The following ZNF540 variants were observed in gnomAD, a reference collection of about 807,000 sequenced individuals.
ZNF540 encodes zinc finger protein 540.
Under a neutral mutation model 11.8 loss-of-function variants are expected in ZNF540, and 3 were observed. The observed-to-expected ratio is 0.25, with a 90% CI of 0.12 to 0.65. ZNF540 has a LOEUF of 0.65. Ranked by LOEUF, ZNF540 falls within the 30% of genes least tolerant of loss-of-function variation. ZNF540 has a pLI of 0.83. For missense variants in ZNF540, 709 were observed against 793.1 expected (o/e 0.89, Z 1.27); for synonymous variants, 247 against 259.0 (o/e 0.95, Z 0.45).
In ZNF540 at chr19:37,613,161, A is replaced by G; in HGVS notation, c.1881A>G (p.Arg627=). The stretch of plus-strand genomic sequence containing the variant: ...ATTCACACCTTACTGAACATCAGAG[A>G]ATTCACACTGGTGAGAAACCCTATG... The part of the protein sequence containing the change: ...RLNSHLTEHQ[R]IHTGEKPYEC... The change falls in exon 5 of 5, where the codon AGA becomes AGG. Residue 627 remains arginine (R), a synonymous_variant. Coordinates refer to ENST00000316433, the MANE Select transcript of ZNF540 (RefSeq NM_001172225.3). 1 of 1,613,852 alleles carries G rather than the reference A, an allele frequency of 6.2e-7. No individual in the cohort carries two copies. Among genetic ancestry groups the G allele is most frequent in the Middle Eastern group, 1.6e-4 (1 of 6,062 alleles).
upstream of ZNF540, among the ~76,000 whole-genome samples, chr19:37,591,648 G>C (rs1457603757): frequency 6.6e-6 from 1 of 152,156 alleles, no homozygotes; most frequent in Non-Finnish European, 1.5e-5. Flanking sequence ...GGGTTCAAAT[G>C]ATTCTCCTGC....
At chr19:37,607,392 A>G (rs1340122722) in intron 4 of ZNF540, among the ~76,000 whole-genome samples, 1 of 152,230 alleles carries the variant, frequency 6.6e-6, no homozygotes, top group Non-Finnish European at 1.5e-5. Flanking sequence ...TTTGAAAAAT[A>G]TATAATGATA....
At chr19:37,570,262 T>C (rs527292139) in intron 1 of ZNF540, among the ~76,000 whole-genome samples, 4 of 152,192 alleles carry the variant, frequency 2.6e-5, no homozygotes, top group Admixed American at 6.5e-5. Context: ...AAACTATGCC[T>C]TTTGGAATTC....
intron 1 of ZNF540, among the ~76,000 whole-genome samples, chr19:37,579,772 T>C (rs1162556601): frequency 6.6e-6 from 1 of 152,138 alleles, no homozygotes; most frequent in Non-Finnish European, 1.5e-5. Context: ...TTACTCTCTC[T>C]CCCAGTACTA....
intron 1 of ZNF540, among the ~76,000 whole-genome samples, chr19:37,576,341 T>C (rs1009884556): frequency 4.6e-5 from 7 of 152,204 alleles, no homozygotes; most frequent in African/African-American, 1.7e-4. Flanking sequence ...GGTCCTGGCC[T>C]CTTTATTCAT....
At chr19:37,605,793 T>C (rs948303625) in intron 4 of ZNF540, among the ~76,000 whole-genome samples, 2 of 152,240 alleles carry the variant, frequency 1.3e-5, no homozygotes, top group African/African-American at 4.8e-5. Context: ...GTGTATCTCA[T>C]TGTGATTTTA....
At chr19:37,593,768 G>A (rs1395409118), upstream of ZNF540, among the ~76,000 whole-genome samples, 1 of 152,098 alleles carries the variant, frequency 6.6e-6, no homozygotes, top group African/African-American at 2.4e-5. Flanking sequence ...TGGGTGGAAA[G>A]GAGAGGTGTA....
At chr19:37,603,277 G>A (rs1479338258) in intron 4 of ZNF540, among the ~76,000 whole-genome samples, 2 of 152,144 alleles carry the variant, frequency 1.3e-5, no homozygotes, top group African/African-American at 4.8e-5. Flanking sequence ...AAAGTGCTGG[G>A]CGTGAGCCAC....
chr19:37,583,652 C>T (rs1410053046), intron 1 of ZNF540: 1 of 184,152 alleles, frequency 5.4e-6, no homozygotes, highest in East Asian at 1.5e-4. Flanking sequence ...CCTTTCCTTG[C>T]TCCAGTAAGG....
At chr19:37,572,606 G>C (rs968187946) in intron 1 of ZNF540, among the ~76,000 whole-genome samples, 1 of 152,166 alleles carries the variant, frequency 6.6e-6, no homozygotes, top group Non-Finnish European at 1.5e-5. Flanking sequence ...TGTATACGCC[G>C]CAGATAAGGG....
intron 4 of ZNF540, among the ~76,000 whole-genome samples, chr19:37,602,577 C>T (rs552961987): frequency 6.6e-6 from 1 of 152,230 alleles, no homozygotes; most frequent in East Asian, 1.9e-4. Context: ...TGATTCCCTC[C>T]CTTTAGCGAA....
chr19:37,600,581 A>G (rs962951197), intron 3 of ZNF540, among the ~76,000 whole-genome samples: 5 of 152,190 alleles, frequency 3.3e-5, no homozygotes, highest in African/African-American at 4.8e-5. Flanking sequence ...AAAGAAAAAA[A>G]GAAAATAAAA....
At position 37,612,290 on chromosome 19, in the gene ZNF540, G is replaced by T; in HGVS notation, c.1010G>T (p.Ser337Ile). 6.2e-7 allele frequency: 1 copy of T among 1,613,730 alleles called. No individual in the cohort carries two copies. Among genetic ancestry groups the T allele is most frequent in the Non-Finnish European group, 8.5e-7 (1 of 1,179,952 alleles). Residue 337 changes from serine to isoleucine, a missense_variant, in exon 5 of 5, where the codon AGT becomes ATT. Coordinates refer to ENST00000316433, the MANE Select transcript of ZNF540 (RefSeq NM_001172225.3). ...YECKECGKAFSVCGQLTRHQK... is the reference protein window; with the variant it reads ...YECKECGKAFIVCGQLTRHQK... The stretch of plus-strand genomic sequence containing the variant: ...TGTAAGGAGTGTGGGAAAGCTTTTA[G>T]TGTATGCGGACAACTTACCCGTCAT...
In ZNF540 at chr19:37,569,147, T is replaced by C. The variant is rs1013589908; in HGVS notation, c.-73+17482T>C. Among the ~76,000 whole-genome samples the C allele has an allele frequency of 5.3e-5, 8 of 152,184 alleles. No homozygotes were observed. The highest frequency in any genetic ancestry group is 1.9e-4 in the African/African-American group (8 of 41,496). On this transcript the variant is annotated intron_variant, in intron 1 of 4. Transcript: ENST00000592533. This position sits in a 1 kb window ranked among gnomAD's most constrained non-coding sequence, Gnocchi z 4.4. ...TTTGTATTTTTAGTAGAGATAGGCC[T>C]TCACCATATTGGTCAGGCTGGTCTC...
chr19:37,564,843 G>C, intron 1 of ZNF540: 1 of 1,613,962 alleles, frequency 6.2e-7, no homozygotes, highest in Non-Finnish European at 8.5e-7. Context: ...CATTCATAAG[G>C]TTTTTCACCT....
At chr19:37,590,016 T>C (rs1182312127), upstream of ZNF540, among the ~76,000 whole-genome samples, 1 of 151,924 alleles carries the variant, frequency 6.6e-6, no homozygotes, top group Non-Finnish European at 1.5e-5. Context: ...CCAGGAATTG[T>C]TTTCCATTAA....
At chr19:37,595,921 T>C (rs1437566030) in intron 1 of ZNF540, among the ~76,000 whole-genome samples, 1 of 152,184 alleles carries the variant, frequency 6.6e-6, no homozygotes, top group African/African-American at 2.4e-5. Context: ...CCTTCAAGAT[T>C]TGAAGGGGGT....
In ZNF540 at chr19:37,612,827, T is replaced by C; in HGVS notation, c.1547T>C (p.Ile516Thr). The C allele has an allele frequency of 6.2e-7, 1 of 1,614,092 alleles. No homozygotes were observed. Among genetic ancestry groups the C allele is most frequent in the Non-Finnish European group, 8.5e-7 (1 of 1,180,010 alleles). The change falls in exon 5 of 5, where the codon ATT (isoleucine) becomes ACT (threonine). Residue 516 changes from isoleucine (I) to threonine (T), a missense_variant. Physicochemically the swap from Ile to Thr is moderately conservative, Grantham distance 89 (BLOSUM62 -1). Transcript: ENST00000316433. ...TTCTACCTTACTGAACACCAGAGAA[T>C]TCACACTGGTGAAAAGCCCTATAAA... is the stretch of plus-strand genomic sequence containing the variant. Reference protein sequence around the residue: ...FGFYLTEHQRIHTGEKPYKCK... With the variant: ...FGFYLTEHQRTHTGEKPYKCK...
intron 1 of ZNF540, chr19:37,564,492 CCTT>C: frequency 9.9e-7 from 1 of 1,010,358 alleles, no homozygotes; most frequent in East Asian, 2.7e-5. Context: ...TTAATGTAGG[CCTT>C]CTAAGAATGA....
Sources: allele counts gnomAD v4.1 joint callset (sites outside exome capture counted in the v4.1 genomes callset), GRCh38; gene constraint gnomAD v4.1.1; non-coding constraint Gnocchi (gnomAD v3.1); transcripts MANE v1.5; gene names NCBI Gene and HGNC (gene_info 2026-07-23, HGNC 2026-07-21).